GRID2: variants seen among roughly 807,000 people sequenced by gnomAD.
The protein encoded by GRID2 is glutamate ionotropic receptor delta type subunit 2.
Under a neutral mutation model 114.8 loss-of-function variants are expected in GRID2, and 33 were observed. The observed-to-expected ratio is 0.29, with a 90% CI of 0.22 to 0.38. GRID2 has a LOEUF of 0.38. Ranked by LOEUF, GRID2 falls within the 10% of genes least tolerant of loss-of-function variation. GRID2 has a pLI of 1.00. For missense variants in GRID2, 1,184 were observed against 1,257.7 expected, an observed-to-expected ratio of 0.94 and a Z score of 0.89; for synonymous variants, 505 against 449.9, an observed-to-expected ratio of 1.12 and a Z score of -1.55.
intron 13 of GRID2, among the ~76,000 whole-genome samples, chr4:93,522,059 T>C (rs1730391103): frequency 6.6e-6 from 1 of 152,140 alleles, no homozygotes; most frequent in African/African-American, 2.4e-5. Context: ...GACTGCAGTA[T>C]TGCTGGAGAA....
intron 1 of GRID2, among the ~76,000 whole-genome samples, chr4:92,386,861 G>T (rs906377264): frequency 6.6e-6 from 1 of 151,788 alleles, no homozygotes. Context: ...TGATTAACTT[G>T]AGATACATAG....
At chr4:93,356,168 T>C (rs1013886328) in intron 8 of GRID2, among the ~76,000 whole-genome samples, 5 of 152,116 alleles carry the variant, frequency 3.3e-5, no homozygotes, top group African/African-American at 1.2e-4. Flanking sequence ...ACCACATTTG[T>C]TGAGCACCTC....
At chr4:93,633,864 G>T (rs1029383895) in intron 14 of GRID2, among the ~76,000 whole-genome samples, 9 of 152,146 alleles carry the variant, frequency 5.9e-5, no homozygotes, top group African/African-American at 1.7e-4. Flanking sequence ...ATTGGAATGG[G>T]GTGCTTTCCA....
chr4:92,641,502 AAAAG>A (rs1196331313), intron 2 of GRID2, among the ~76,000 whole-genome samples: 4 of 151,608 alleles, frequency 2.6e-5, no homozygotes, highest in African/African-American at 7.3e-5. Flanking sequence ...AAAACTGTGA[AAAAG>A]AAATCATCAG....
intron 13 of GRID2, among the ~76,000 whole-genome samples, chr4:93,609,078 T>C (rs1025726461): frequency 4.8e-5 from 5 of 103,276 alleles, no homozygotes; most frequent in Admixed American, 9.4e-5. Flanking sequence ...ATGAGCATTT[T>C]TTCATGTGTT....
intron 7 of GRID2, among the ~76,000 whole-genome samples, chr4:93,233,344 T>A (rs916153555): frequency 3.3e-4 from 50 of 150,854 alleles, no homozygotes; most frequent in Non-Finnish European, 5.0e-4. Context: ...TATTTTTTTT[T>A]TTATTTTTTA....
At chr4:93,088,199 A>G (rs1730488501) in intron 3 of GRID2, among the ~76,000 whole-genome samples, 1 of 152,182 alleles carries the variant, frequency 6.6e-6, no homozygotes, top group Non-Finnish European at 1.5e-5. Flanking sequence ...AACAAAGAAA[A>G]CTGATATCTT....
chr4:92,895,136 C>G (rs1192114231), intron 2 of GRID2, among the ~76,000 whole-genome samples: 1 of 151,724 alleles, frequency 6.6e-6, no homozygotes, highest in Non-Finnish European at 1.5e-5. Flanking sequence ...TTCCACTAAA[C>G]TCAGAGTTAT....
Position 93,397,038 on chromosome 4 carries a change from G to A in GRID2, c.1347+1330G>A, listed in dbSNP as rs923694373. 2.0e-4 allele frequency among the ~76,000 whole-genome samples: 30 copies of A among 152,060 alleles called. 1 individual carries two copies. The highest frequency in any genetic ancestry group is 1.1e-3 in the Admixed American group (16 of 15,224). ...ATAGGAGAGGAAGACTTTTTGATAC[G>A]TTGATGCTAATTGGATGTTCATCAA... is the stretch of plus-strand genomic sequence containing the variant. On this transcript the variant is annotated intron_variant, in intron 9 of 15. Coordinates refer to ENST00000282020, the MANE Select transcript of GRID2 (RefSeq NM_001510.4).
intron 13 of GRID2, among the ~76,000 whole-genome samples, chr4:93,585,287 C>T (rs1737413155): frequency 6.6e-6 from 1 of 152,076 alleles, no homozygotes; most frequent in Non-Finnish European, 1.5e-5. Flanking sequence ...TCATTGAAAG[C>T]TCCGTTTTTG....
chr4:92,512,725 A>C (rs1724317198), intron 1 of GRID2, among the ~76,000 whole-genome samples: 1 of 151,844 alleles, frequency 6.6e-6, no homozygotes, highest in Non-Finnish European at 1.5e-5. Flanking sequence ...ACCTTAATAG[A>C]TATTTTAGCT....
At chr4:93,661,967 C>T (rs781490781) in intron 14 of GRID2, among the ~76,000 whole-genome samples, 3 of 152,142 alleles carry the variant, frequency 2.0e-5, no homozygotes, top group South Asian at 2.1e-4. Flanking sequence ...GTGGGCTCCC[C>T]GCCTTGCCAG....
At chr4:92,954,133 T>C (rs1393273823) in intron 2 of GRID2, among the ~76,000 whole-genome samples, 1 of 152,030 alleles carries the variant, frequency 6.6e-6, no homozygotes, top group Non-Finnish European at 1.5e-5. Context: ...CGAAAGCACA[T>C]TAAAAGATTT....
At position 92,761,183 on chromosome 4, in the gene GRID2, TA is replaced by T. The variant is rs111439650; in HGVS notation, c.244+170908del. 7.1e-3 allele frequency among the ~76,000 whole-genome samples: 1,049 copies of T among 148,372 alleles called. 11 individuals are homozygous for T. The highest frequency in any genetic ancestry group is 0.019 in the African/African-American group (756 of 40,752). On this transcript the variant is annotated intron_variant, in intron 2 of 15. Transcript: ENST00000282020. ...CTTTGCACTAGAACATATCCATGCT[TA>T]AAAAAAAAAATCACATTATTCAAAT...
intron 14 of GRID2, among the ~76,000 whole-genome samples, chr4:93,757,281 C>A (rs1476081468): frequency 6.6e-6 from 1 of 152,188 alleles, no homozygotes; most frequent in Non-Finnish European, 1.5e-5. Context: ...AACTTACAGG[C>A]CTTGCTTCTC....
intron 14 of GRID2, among the ~76,000 whole-genome samples, chr4:93,653,502 G>A (rs546612788): frequency 6.6e-6 from 1 of 152,112 alleles, no homozygotes; most frequent in Non-Finnish European, 1.5e-5. Context: ...CTTCCCAGAA[G>A]TGTGCTATTT....
At chr4:92,845,027 T>C (rs1743204094) in intron 2 of GRID2, among the ~76,000 whole-genome samples, 1 of 152,060 alleles carries the variant, frequency 6.6e-6, no homozygotes, top group African/African-American at 2.4e-5. Context: ...GCACCAATAG[T>C]TTTACTGATC....
intron 2 of GRID2, among the ~76,000 whole-genome samples, chr4:92,656,855 GAA>G (rs1437157551): frequency 1.3e-5 from 2 of 151,736 alleles, no homozygotes; most frequent in Non-Finnish European, 3.0e-5. Flanking sequence ...ATTAAGGTAG[GAA>G]AACAGACCAA....
chr4:92,605,169 A>C (rs1025551775), intron 2 of GRID2, among the ~76,000 whole-genome samples: 1 of 152,088 alleles, frequency 6.6e-6, no homozygotes, highest in South Asian at 2.1e-4. Flanking sequence ...GGTCTCAGGC[A>C]GTTCTTTATA....
Sources: gnomAD v4.1 joint callset for allele counts (sites outside exome capture counted in the v4.1 genomes callset) on GRCh38, gnomAD v4.1.1 for gene constraint, MANE v1.5 for transcripts, NCBI Gene and HGNC (gene_info 2026-07-23, HGNC 2026-07-21) for gene names.